DDB1: variants seen among roughly 807,000 people sequenced by gnomAD.
DDB1 encodes DNA damage-binding protein 1.
Under a neutral mutation model 133.1 loss-of-function variants are expected in DDB1, and 18 were observed. The observed-to-expected ratio is 0.14, with a 90% CI of 0.09 to 0.20. The LOEUF is 0.20. Ranked by LOEUF, DDB1 falls within the 10% of genes least tolerant of loss-of-function variation. The probability of loss-of-function intolerance (pLI) is 1.00; values close to 1 mark genes in which losing one functional copy is unlikely to be tolerated. For missense variants in DDB1, 828 were observed against 1,459.2 expected, an observed-to-expected ratio of 0.57 and a Z score of 7.05; for synonymous variants, 580 against 550.5, an observed-to-expected ratio of 1.05 and a Z score of -0.75.
In DDB1 at chr11:61,304,001, AGCTCCTT is replaced by A; in HGVS notation, c.2689_2695del (p.Lys897CysfsTer16). The A allele has an allele frequency of 6.2e-7, 1 of 1,614,080 alleles. No homozygotes were observed. The highest frequency in any genetic ancestry group is 8.5e-7 in the Non-Finnish European group (1 of 1,180,050). On this transcript the variant is annotated frameshift_variant, in exon 22 of 27. Coordinates refer to ENST00000301764, the MANE Select transcript of DDB1 (RefSeq NM_001923.5). LOFTEE classifies it high-confidence loss of function. ...GTTGTAGTGGTTGCACTCAGTGCGC[AGCTCCTT>A]CTCTGTTGTCCACTCATAGAGCCGC... is the stretch of plus-strand genomic sequence containing the variant.
At chr11:61,329,607 G>C in intron 3 of DDB1, 23 bp from the exon 4 acceptor site, 1 of 1,583,000 alleles carries the variant, frequency 6.3e-7, no homozygotes. Context: ...ATCGGGATTA[G>C]GGAAGAACCT....
intron 2 of DDB1, among the ~76,000 whole-genome samples, chr11:61,330,891 C>T (rs1464843037): frequency 2.0e-5 from 3 of 152,058 alleles, no homozygotes; most frequent in Admixed American, 6.6e-5. Context: ...CCTGACCTCA[C>T]GTGATCCACC....
chr11:61,332,009 C>T (rs1351829435), intron 1 of DDB1: 1 of 234,352 alleles, frequency 4.3e-6, no homozygotes, highest in African/African-American at 2.2e-5. Context: ...ATTACAGTTA[C>T]AGTGGCAGGC....
chr11:61,318,977 C>T (rs577837336), intron 10 of DDB1, among the ~76,000 whole-genome samples: 1 of 152,292 alleles, frequency 6.6e-6, no homozygotes, highest in East Asian at 1.9e-4. Context: ...GGCGGGAGGA[C>T]CGCTTGAGCC....
chr11:61,324,290 T>C, intron 6 of DDB1, 153 bp from the exon 7 acceptor site: 1 of 740,276 alleles, frequency 1.4e-6, no homozygotes, highest in Admixed American at 2.9e-5. Flanking sequence ...TAGATCCTAT[T>C]GCCCATTAAT....
intron 16 of DDB1, 41 bp from the exon 17 acceptor site, chr11:61,312,125 G>A (rs1855983186): frequency 6.3e-7 from 1 of 1,588,226 alleles, no homozygotes; most frequent in East Asian, 2.2e-5. Context: ...GAGACTCAAG[G>A]AAGGCAAAGA....
chr11:61,311,818 C>G lies in DDB1; in HGVS notation c.2243G>C (p.Gly748Ala). Residue 748 changes from glycine (G) to alanine (A), a missense_variant, in exon 18 of 27, where the codon GGC becomes GCC. Around this residue, in one of 7 missense-constraint regions of DDB1, gnomAD observed 396 missense variants for 554.1 expected, o/e 0.71. Transcript: ENST00000301764. ...AGCGCTGGGCCTCAAGGCTGTCGTGCCCCCACTCGTGTCTTGGACTTCAAT... is the reference window on the plus strand; with the variant it reads ...AGCGCTGGGCCTCAAGGCTGTCGTGGCCCCACTCGTGTCTTGGACTTCAAT... ...SRIEVQDTSG[G>A]TTALRPSAST... The G allele has an allele frequency of 6.2e-7, 1 of 1,613,888 alleles. No individual in the cohort carries two copies. Among genetic ancestry groups the G allele is most frequent in the Non-Finnish European group, 8.5e-7 (1 of 1,179,942 alleles).
At chr11:61,326,656 A>C (rs1022416748) in intron 5 of DDB1, 123 bp downstream of exon 5, 9 of 804,370 alleles carry the variant, frequency 1.1e-5, no homozygotes, top group Non-Finnish European at 2.0e-5. Context: ...GGAGTGGTAA[A>C]CAATGCACAC....
At chr11:61,329,882 C>T in intron 3 of DDB1, 76 bp downstream of exon 3, 3 of 1,265,684 alleles carry the variant, frequency 2.4e-6, no homozygotes, top group Non-Finnish European at 3.4e-6. Context: ...GAGCTGCCCC[C>T]AGCACTTTAA....
Position 61,332,974 on chromosome 11 carries a change from G to A in DDB1, c.-6C>T, listed in dbSNP as rs1415010875. The A allele has an allele frequency of 6.7e-7, 1 of 1,490,294 alleles. No homozygotes were observed. Among genetic ancestry groups the A allele is most frequent in the East Asian group, 2.7e-5 (1 of 37,450 alleles). 92.3% of individuals were successfully genotyped at this position (1,490,294 alleles called of 1,614,324 possible). A position where few individuals can be genotyped will look rare whatever the true frequency, so the allele number is the denominator to read the frequency against. On this transcript the variant is annotated 5_prime_UTR_variant, in exon 1 of 27. Coordinates refer to ENST00000301764, the MANE Select transcript of DDB1 (RefSeq NM_001923.5). ...ACCACGTAGTTGTACGACATGTCGA[G>A]GCTTGGAGCGGCCCGTCGGGACTCG...
intron 2 of DDB1, among the ~76,000 whole-genome samples, chr11:61,330,712 T>C (rs1005743281): frequency 3.3e-5 from 5 of 151,746 alleles, no homozygotes; most frequent in African/African-American, 4.8e-5. Context: ...CACCGGGCAA[T>C]GGGCGCCATC....
At chr11:61,324,451 C>T (rs144230158) in intron 6 of DDB1, 7 of 253,760 alleles carry the variant, frequency 2.8e-5, no homozygotes, top group Non-Finnish European at 5.5e-5. Flanking sequence ...ACTATGCATG[C>T]TACTACAAAT....
Position 61,313,947 on chromosome 11 carries a change from C to T in DDB1, c.1776G>A (p.Leu592=). 6.2e-7 allele frequency: 1 copy of T among 1,614,138 alleles called. No homozygotes were observed. The highest frequency in any genetic ancestry group is 8.5e-7 in the Non-Finnish European group (1 of 1,180,044). The change falls in exon 15 of 27, where the codon CTG becomes CTA. Residue 592 remains leucine, a synonymous_variant. Transcript: ENST00000301764. ...LGGEIIPRSI[L]MTTFESSHYL... ...AATGGCTACTCTCAAAGGTGGTCATCAGGATGGAGCGAGGAATGATCTCTG... is the reference window on the plus strand; with the variant it reads ...AATGGCTACTCTCAAAGGTGGTCATTAGGATGGAGCGAGGAATGATCTCTG...
chr11:61,318,524 C>T (rs1418095480), intron 10 of DDB1, among the ~76,000 whole-genome samples: 1 of 152,104 alleles, frequency 6.6e-6, no homozygotes, highest in East Asian at 1.9e-4. Context: ...GGACTGTTGC[C>T]TGTCCATTCA....
Position 61,302,286 on chromosome 11 carries a change from G to T in DDB1, c.3186C>A (p.Ile1062=). ...AGTGCTCGATCTTCCCCACACTTTT[G>T]ATGACTTTATTGAGTCGATTCTGCA... ...LDMQNRLNKV[I]KSVGKIEHSF... Residue 1062 remains isoleucine (I), a synonymous_variant, in exon 25 of 27, where the codon ATC becomes ATA. Coordinates refer to ENST00000301764, the MANE Select transcript of DDB1 (RefSeq NM_001923.5). The T allele has an allele frequency of 6.2e-7, 1 of 1,614,198 alleles. No homozygotes were observed.
chr11:61,329,722 GC>G, intron 3 of DDB1, 138 bp from the exon 4 acceptor site: 1 of 812,754 alleles, frequency 1.2e-6, no homozygotes, highest in East Asian at 2.7e-5. Context: ...AATAGTTGGA[GC>G]CCCAATGTCA....
rs778417891 is a variant in DDB1 at position 61,331,539 on chromosome 11, T to C, written c.210+4A>G. On this transcript the variant is annotated splice_donor_region_variant and intron_variant, in intron 2 of 26. Coordinates refer to ENST00000301764, the MANE Select transcript of DDB1 (RefSeq NM_001923.5). ...CCACTGCTTGTCCCAACTGCAACAC[T>C]TACCTTGGGCCTGAAAAGCTCCATG... is the stretch of plus-strand genomic sequence containing the variant. The C allele has an allele frequency of 6.2e-7, 1 of 1,613,356 alleles. No individual in the cohort carries two copies. Among genetic ancestry groups the C allele is most frequent in the Middle Eastern group, 1.7e-4 (1 of 6,050 alleles).
Position 61,312,103 on chromosome 11 carries a change from G to A in DDB1, c.2070-19C>T. ...CGCCAGGCTGGAAAGAAGGGTCTGG[G>A]TTTAGACTGAGGAGACTCAAGGAAG... is the stretch of plus-strand genomic sequence containing the variant. On this transcript the variant is annotated intron_variant, in intron 16 of 26. Transcript: ENST00000301764. 1 of 1,612,560 alleles carries A rather than the reference G, an allele frequency of 6.2e-7. No homozygotes were observed. The highest frequency in any genetic ancestry group is 1.3e-5 in the African/African-American group (1 of 74,986).
chr11:61,307,874 A>G (rs1011439809), intron 21 of DDB1, among the ~76,000 whole-genome samples: 1 of 152,016 alleles, frequency 6.6e-6, no homozygotes, highest in Non-Finnish European at 1.5e-5. Context: ...AAAGTCCTTC[A>G]ATCCTACCCT....
Sources: gnomAD v4.1 joint callset for allele counts (sites outside exome capture counted in the v4.1 genomes callset) on GRCh38, gnomAD v4.1.1 for gene constraint, gnomAD v4.1.1 regional missense constraint, MANE v1.5 for transcripts, NCBI Gene and HGNC (gene_info 2026-07-23, HGNC 2026-07-21) for gene names.